The following DRC9 variants were observed in gnomAD, a reference collection of about 807,000 sequenced individuals.
DRC9 encodes the protein dynein regulatory complex subunit 9.
chr3:197,889,746 A>C, the DRC9 span: 2 of 1,613,480 alleles, frequency 1.2e-6, no homozygotes, highest in Non-Finnish European at 1.7e-6. Context: ...AGTACGACGT[A>C]TGCTATGCCT....
At chr3:197,955,619 C>G in the DRC9 span, 2 of 808,382 alleles carry the variant, frequency 2.5e-6, no homozygotes, top group Non-Finnish European at 4.4e-6. Context: ...AGACTGAAGG[C>G]TATAAAAACT....
chr3:197,895,091 T>A, the DRC9 span, among the ~76,000 whole-genome samples: 2 of 151,998 alleles, frequency 1.3e-5, no homozygotes, highest in Non-Finnish European at 2.9e-5. Context: ...TAGAACAACA[T>A]GTCAGTTTGG....
At chr3:197,917,073 T>G in the DRC9 span, among the ~76,000 whole-genome samples, 3 of 152,164 alleles carry the variant, frequency 2.0e-5, no homozygotes, top group Non-Finnish European at 4.4e-5. Flanking sequence ...TCCAATGCTT[T>G]GGGAAACCAA....
chr3:197,903,929 G>A, the DRC9 span, among the ~76,000 whole-genome samples: 3 of 150,788 alleles, frequency 2.0e-5, no homozygotes, highest in South Asian at 4.2e-4. Context: ...GGCAACAATA[G>A]TGAGATCTTG....
the DRC9 span, among the ~76,000 whole-genome samples, chr3:197,952,159 T>C: frequency 1.4e-5 from 2 of 144,200 alleles, no homozygotes; most frequent in African/African-American, 5.2e-5. Context: ...CTTAAAATTA[T>C]GGGTTTTTTT....
the DRC9 span, chr3:197,912,669 A>G: frequency 6.2e-7 from 1 of 1,610,736 alleles, no homozygotes; most frequent in East Asian, 2.2e-5. Context: ...AGCTGTGGGG[A>G]CCCACCTGCT....
chr3:197,915,037 G>A, the DRC9 span, among the ~76,000 whole-genome samples: 17 of 151,546 alleles, frequency 1.1e-4, no homozygotes, highest in South Asian at 1.0e-3. Flanking sequence ...GGTGGCGGGC[G>A]CCTGTAATCC....
the DRC9 span, among the ~76,000 whole-genome samples, chr3:197,952,175 T>TG: frequency 7.2e-6 from 1 of 139,026 alleles, no homozygotes; most frequent in Non-Finnish European, 1.6e-5. Context: ...TTTTTTTTTT[T>TG]TTTTTTTTTT....
chr3:197,941,611 C>T, the DRC9 span, among the ~76,000 whole-genome samples: 1 of 142,084 alleles, frequency 7.0e-6, no homozygotes, highest in African/African-American at 2.7e-5. Flanking sequence ...CCCAGGTTGG[C>T]ATGCAGTGGT....
the DRC9 span, among the ~76,000 whole-genome samples, chr3:197,917,738 T>C: frequency 2.7e-5 from 3 of 110,374 alleles, no homozygotes; most frequent in Admixed American, 1.6e-4. Flanking sequence ...TCTTTTCTCT[T>C]TTTTTTTTTT....
At chr3:197,911,970 C>A in the DRC9 span, among the ~76,000 whole-genome samples, 2 of 150,184 alleles carry the variant, frequency 1.3e-5, no homozygotes, top group Non-Finnish European at 3.0e-5. Context: ...ATTTATTGGC[C>A]ACTATACTAT....
the DRC9 span, among the ~76,000 whole-genome samples, chr3:197,946,820 TTTTTC>T: frequency 2.0e-5 from 3 of 152,150 alleles, no homozygotes; most frequent in Admixed American, 6.5e-5. Context: ...TACCTTTCTT[TTTTTC>T]TTTTCTTTTT....
At chr3:197,906,270 T>G in the DRC9 span, 1 of 152,304 alleles carries the variant, frequency 6.6e-6, no homozygotes, top group Admixed American at 6.5e-5. Context: ...CCACACGTTT[T>G]ACTGAGACCG....
At chr3:197,926,102 C>T in the DRC9 span, 3 of 1,507,352 alleles carry the variant, frequency 2.0e-6, no homozygotes, top group South Asian at 3.4e-5. Flanking sequence ...TTCCTTTTTC[C>T]TCCCTAGAAG....
chr3:197,892,068 T>C, the DRC9 span, among the ~76,000 whole-genome samples: 12 of 152,340 alleles, frequency 7.9e-5, no homozygotes, highest in African/African-American at 2.4e-4. Context: ...TTTTGTATTT[T>C]TAGTAGAGAT....
the DRC9 span, chr3:197,912,981 G>A: frequency 2.0e-6 from 1 of 501,732 alleles, no homozygotes; most frequent in South Asian, 2.3e-5. Context: ...GAGCTGAACA[G>A]AGGTGCCCAC....
At chr3:197,901,872 C>T in the DRC9 span, among the ~76,000 whole-genome samples, 1 of 152,166 alleles carries the variant, frequency 6.6e-6, no homozygotes, top group Non-Finnish European at 1.5e-5. The surrounding 1 kb of genome is among the most constrained non-coding windows in gnomAD (Gnocchi z 4.4). Context: ...GTCCTAGGGC[C>T]TTGAGTGAAC....
the DRC9 span, chr3:197,891,426 T>C: frequency 5.3e-6 from 7 of 1,312,894 alleles, no homozygotes; most frequent in African/African-American, 5.8e-5. Context: ...TGTGGCGAGA[T>C]ACTGATTATG....
chr3:197,913,334 G>T, the DRC9 span: 8 of 214,978 alleles, frequency 3.7e-5, no homozygotes, highest in Non-Finnish European at 7.3e-5. Flanking sequence ...GTGTGCGTGC[G>T]TGCGTGCGTG....
Sources: allele counts gnomAD v4.1 joint callset (sites outside exome capture counted in the v4.1 genomes callset), GRCh38; gene constraint gnomAD v4.1.1; non-coding constraint Gnocchi (gnomAD v3.1); transcripts MANE v1.5; gene names NCBI Gene and HGNC (gene_info 2026-07-23, HGNC 2026-07-21).